Variants in BLM observed in about 807,000 individuals in gnomAD.
BLM encodes BLM RecQ like helicase.
A neutral mutation model predicts 135.3 loss-of-function variants in BLM; 95 were observed. That is an observed-to-expected ratio of 0.70 (90% CI 0.59 to 0.83). The LOEUF (loss-of-function observed/expected upper bound fraction) is 0.83, where lower values mean the gene tolerates loss of function less well. BLM is among the 40% of genes least tolerant of loss of function. BLM has a pLI of 0.00. For missense variants in BLM, 1,518 were observed against 1,663.9 expected (o/e 0.91, Z 1.53); for synonymous variants, 520 against 589.2 (o/e 0.88, Z 1.70).
intron 12 of BLM, among the ~76,000 whole-genome samples, chr15:90,774,985 GGGAAGT>G (rs1398474932): frequency 6.6e-6 from 1 of 152,158 alleles, no homozygotes; most frequent in African/African-American, 2.4e-5. Flanking sequence ...ACTTTAACCT[GGGAAGT>G]GGCTTGATCT....
intron 1 of BLM, among the ~76,000 whole-genome samples, chr15:90,731,568 G>A (rs1895070710): frequency 6.6e-6 from 1 of 151,968 alleles, no homozygotes; most frequent in Non-Finnish European, 1.5e-5. Flanking sequence ...AGGCTATTAG[G>A]TTTTCTGTTT....
intron 1 of BLM, among the ~76,000 whole-genome samples, chr15:90,720,710 C>T (rs1444692615): frequency 6.6e-6 from 1 of 151,824 alleles, no homozygotes; most frequent in African/African-American, 2.4e-5. Flanking sequence ...GCTGGGAGTA[C>T]AGGGGTGTAC....
chr15:90,806,001 C>T (rs975083480), intron 19 of BLM, among the ~76,000 whole-genome samples: 22 of 151,938 alleles, frequency 1.4e-4, no homozygotes, highest in Admixed American at 2.6e-4. Flanking sequence ...AGGCATGCGC[C>T]CACCATTTAC....
At chr15:90,734,295 T>C (rs907351101) in intron 1 of BLM, among the ~76,000 whole-genome samples, 1 of 151,474 alleles carries the variant, frequency 6.6e-6, no homozygotes, top group Non-Finnish European at 1.5e-5. Flanking sequence ...AATACTTCTT[T>C]TTTTTTTTTT....
chr15:90,781,557 T>A (rs947700157), intron 12 of BLM, among the ~76,000 whole-genome samples: 1 of 151,854 alleles, frequency 6.6e-6, no homozygotes. Flanking sequence ...ACCCAGGAGG[T>A]AGAGGTTGCA....
rs77765065 is a variant in BLM at position 90,757,364 on chromosome 15, G to A, written c.1087+2426G>A. On this transcript the variant is annotated intron_variant, in intron 5 of 21. Transcript: ENST00000355112. The stretch of plus-strand genomic sequence containing the variant: ...TCCTTTGTACTCTGAGGTATAATCT[G>A]TCTAGACAAGGAGTCTTGGGCTAGT... 2.0e-3 allele frequency among the ~76,000 whole-genome samples: 305 copies of A among 152,244 alleles called. 1 individual carries two copies. Among genetic ancestry groups the A allele is most frequent in the Admixed American group, 3.7e-3 (56 of 15,300 alleles).
chr15:90,800,079 G>T (rs1897128812), intron 17 of BLM, among the ~76,000 whole-genome samples: 1 of 152,202 alleles, frequency 6.6e-6, no homozygotes. Flanking sequence ...TGACAACTGA[G>T]TTCTTTTGGG....
chr15:90,793,199 G>C (rs111720741), intron 15 of BLM, among the ~76,000 whole-genome samples: 2 of 149,818 alleles, frequency 1.3e-5, no homozygotes, highest in African/African-American at 5.0e-5. Flanking sequence ...GTGATGGCAC[G>C]ATCTCAGCTC....
intron 1 of BLM, among the ~76,000 whole-genome samples, chr15:90,738,414 A>C (rs1049974715): frequency 1.4e-4 from 21 of 152,138 alleles, no homozygotes; most frequent in African/African-American, 3.6e-4. Flanking sequence ...GCTCTACAAA[A>C]AATTTAAAAA....
intron 1 of BLM, among the ~76,000 whole-genome samples, chr15:90,726,906 T>C (rs955161315): frequency 2.0e-5 from 3 of 152,228 alleles, no homozygotes; most frequent in African/African-American, 7.2e-5. Flanking sequence ...GGTGCAGATG[T>C]CTCTTTGATA....
chr15:90,773,212 G>T (rs1355635543), intron 12 of BLM, among the ~76,000 whole-genome samples: 1 of 151,964 alleles, frequency 6.6e-6, no homozygotes, highest in East Asian at 1.9e-4. Context: ...CTGAGGTCAG[G>T]AGTTGAAGAC....
chr15:90,768,432 G>A (rs1475346486), intron 10 of BLM, among the ~76,000 whole-genome samples: 1 of 152,160 alleles, frequency 6.6e-6, no homozygotes, highest in Non-Finnish European at 1.5e-5. Flanking sequence ...CGTTGCTACT[G>A]AGATGTCATT....
chr15:90,800,745 T>A (rs1391915714), intron 17 of BLM, among the ~76,000 whole-genome samples: 1 of 151,352 alleles, frequency 6.6e-6, no homozygotes, highest in African/African-American at 2.4e-5. Flanking sequence ...ATGGTTTTAT[T>A]GATAACAGTG....
chr15:90,747,815 T>C (rs926847536), intron 2 of BLM, among the ~76,000 whole-genome samples: 3 of 152,196 alleles, frequency 2.0e-5, no homozygotes, highest in African/African-American at 7.2e-5. Flanking sequence ...TTTTGTTTTG[T>C]TTTTTCTTTT....
chr15:90,771,798 A>G (rs1896325856), intron 12 of BLM, among the ~76,000 whole-genome samples: 1 of 152,200 alleles, frequency 6.6e-6, no homozygotes, highest in African/African-American at 2.4e-5. Flanking sequence ...TAAATGATAA[A>G]AAAAATTTCT....
Position 90,760,272 on chromosome 15 carries a change from A to T in BLM, c.1213A>T (p.Asn405Tyr). The T allele has an allele frequency of 6.2e-7, 1 of 1,614,118 alleles. No homozygotes were observed. Among genetic ancestry groups the T allele is most frequent in the African/African-American group, 1.3e-5 (1 of 75,050 alleles). ...TGGGAACGAACTGCTTCAGCAGCGG[A>T]ACATAAGGTATCTTAATTTTCCCCC... ...DCGNELLQQR[N>Y]IRRKLLTEVD... Residue 405 changes from asparagine to tyrosine, a missense_variant, in exon 6 of 22, where the codon AAC (asparagine) becomes TAC (tyrosine). Transcript: ENST00000355112.
intron 14 of BLM, among the ~76,000 whole-genome samples, chr15:90,786,708 T>A (rs994915167): frequency 6.6e-6 from 1 of 151,592 alleles, no homozygotes; most frequent in African/African-American, 2.4e-5. Context: ...TTCCGCCTCC[T>A]GGTTCAAGCA....
At chr15:90,777,778 A>T (rs1004494345) in intron 12 of BLM, among the ~76,000 whole-genome samples, 1 of 152,142 alleles carries the variant, frequency 6.6e-6, no homozygotes, top group African/African-American at 2.4e-5. Context: ...ACCATCCCCA[A>T]TATCTAAGTT....
At position 90,769,548 on chromosome 15, in the gene BLM, G is replaced by A. The variant is rs1353519492; in HGVS notation, c.2517G>A (p.Lys839=). 1.9e-6 allele frequency: 3 copies of A among 1,613,952 alleles called. No homozygotes were observed. Among genetic ancestry groups the A allele is most frequent in the African/African-American group, 2.7e-5 (2 of 74,902 alleles). Residue 839 remains lysine (K), a synonymous_variant, in exon 12 of 22, where the codon AAG becomes AAA. Coordinates refer to ENST00000355112, the MANE Select transcript of BLM (RefSeq NM_000057.4). ...CCACAGCTAATCCCAGGGTACAGAAGGACATCCTGACTCAGCTGAAGATTC... is the reference window on the plus strand; with the variant it reads ...CCACAGCTAATCCCAGGGTACAGAAAGACATCCTGACTCAGCTGAAGATTC... The part of the protein sequence containing the change: ...LTATANPRVQ[K]DILTQLKILR...
Sources: allele counts gnomAD v4.1 joint callset (sites outside exome capture counted in the v4.1 genomes callset), GRCh38; gene constraint gnomAD v4.1.1; transcripts MANE v1.5; gene names NCBI Gene and HGNC (gene_info 2026-07-23, HGNC 2026-07-21).